NVL: variants seen among roughly 807,000 people sequenced by gnomAD.
The protein encoded by NVL is nuclear valosin-containing protein-like.
A neutral mutation model predicts 110.2 loss-of-function variants in NVL; 84 were observed. The ratio of observed to expected loss-of-function variants is 0.76; its 90% CI spans 0.64 to 0.91. NVL has a LOEUF of 0.91. Ranked by LOEUF, NVL falls within the 40% of genes least tolerant of loss-of-function variation. The pLI is 0.00. For synonymous variants in NVL, 354 were observed against 361.1 expected (o/e 0.98, Z 0.22); for missense variants, 882 against 1,035.9 (o/e 0.85, Z 2.04).
chr1:224,260,372 C>A (rs1212955320), intron 18 of NVL, among the ~76,000 whole-genome samples: 3 of 152,152 alleles, frequency 2.0e-5, no homozygotes, highest in East Asian at 3.9e-4. Flanking sequence ...GATTCTCCTG[C>A]CTCAGTCTCC....
chr1:224,272,585 C>G (rs950121962), intron 17 of NVL, among the ~76,000 whole-genome samples: 19 of 151,628 alleles, frequency 1.3e-4, no homozygotes, highest in African/African-American at 4.6e-4. Context: ...GGTGTGGTGG[C>G]ACACATCTGT....
At chr1:224,316,178 A>C (rs1348945367) in intron 4 of NVL, among the ~76,000 whole-genome samples, 1 of 152,180 alleles carries the variant, frequency 6.6e-6, no homozygotes, top group South Asian at 2.1e-4. Context: ...TGTCTCAAAA[A>C]AAACAAACAA....
intron 15 of NVL, among the ~76,000 whole-genome samples, chr1:224,283,197 T>C (rs976339648): frequency 1.3e-5 from 2 of 152,108 alleles, no homozygotes; most frequent in Non-Finnish European, 2.9e-5. Flanking sequence ...ATGTAAGAAA[T>C]CTGACTAAGG....
At position 224,227,643 on chromosome 1, in the gene NVL, C is replaced by T. The variant is rs1490854633; in HGVS notation, c.2554G>A (p.Glu852Lys). 6.2e-7 allele frequency: 1 copy of T among 1,611,202 alleles called. No individual in the cohort carries two copies. The highest frequency in any genetic ancestry group is 8.5e-7 in the Non-Finnish European group (1 of 1,178,354). The change falls in exon 23 of 23, where the codon GAG becomes AAG. Residue 852 changes from glutamate to lysine, a missense_variant. By Grantham distance (56) the Glu-to-Lys change is moderately conservative (BLOSUM62 1). Transcript: ENST00000281701. Reference protein sequence around the residue: ...KDQIMYERLQESLSR With the variant: ...KDQIMYERLQKSLSR ...TGGAGACATCACCGGCTGAGGGACT[C>T]CTGCAAACGTTCATACATGATTTGA... is the stretch of plus-strand genomic sequence containing the variant.
intron 2 of NVL, among the ~76,000 whole-genome samples, chr1:224,323,060 A>G (rs1670814168): frequency 4.6e-5 from 7 of 152,232 alleles, no homozygotes; most frequent in Admixed American, 4.6e-4. Flanking sequence ...AGAGAATGCT[A>G]TTAGAAATAT....
In NVL at chr1:224,239,868, C is replaced by A. The variant is rs144386530; in HGVS notation, c.2290-3286G>T. Among the ~76,000 whole-genome samples, 30 of 152,186 alleles carry A rather than the reference C, an allele frequency of 2.0e-4. No individual in the cohort carries two copies. The East Asian group carries it at 5.2e-3, about 26-fold the overall frequency. On this transcript the variant is annotated intron_variant, in intron 19 of 22. Coordinates refer to ENST00000281701, the MANE Select transcript of NVL (RefSeq NM_002533.4). Reference sequence around the variant, plus strand: ...CAGAAATACCGTTAAAGACATTGTGCATCGCATCTTAGTGTTCTCTTTGTG... The same window carrying A: ...CAGAAATACCGTTAAAGACATTGTGAATCGCATCTTAGTGTTCTCTTTGTG...
chr1:224,238,031 T>C (rs963245899), intron 19 of NVL, among the ~76,000 whole-genome samples: 2 of 151,588 alleles, frequency 1.3e-5, no homozygotes, highest in African/African-American at 4.8e-5. Context: ...ATTAAGCTTT[T>C]CTCTTTTCTT....
chr1:224,329,573 A>C (rs781460348), intron 1 of NVL, among the ~76,000 whole-genome samples: 1 of 152,200 alleles, frequency 6.6e-6, no homozygotes, highest in African/African-American at 2.4e-5. Context: ...ACTGCTTTTT[A>C]CTGATGGTCA....
chr1:224,247,594 G>C (rs556559743), intron 19 of NVL, among the ~76,000 whole-genome samples: 1 of 151,862 alleles, frequency 6.6e-6, no homozygotes, highest in African/African-American at 2.4e-5. Flanking sequence ...ACCTGAATGC[G>C]GGAGGTGGAG....
At chr1:224,281,282 T>C (rs1571932771) in intron 15 of NVL, 97 bp from the exon 16 acceptor site, 3 of 767,470 alleles carry the variant, frequency 3.9e-6, no homozygotes, top group Non-Finnish European at 6.2e-6. Flanking sequence ...GGACTCTGTG[T>C]GCGTGTGTGT....
chr1:224,275,024 G>C (rs1429695440), intron 17 of NVL, among the ~76,000 whole-genome samples: 1 of 152,148 alleles, frequency 6.6e-6, no homozygotes, highest in African/African-American at 2.4e-5. Context: ...TTTAGCTCAA[G>C]AATGTTGTAG....
chr1:224,244,665 T>A (rs1305808785), intron 19 of NVL, among the ~76,000 whole-genome samples: 2 of 146,696 alleles, frequency 1.4e-5, no homozygotes, highest in African/African-American at 5.1e-5. Context: ...AGAGATGGGG[T>A]TTCGCCATGT....
intron 4 of NVL, among the ~76,000 whole-genome samples, chr1:224,316,094 C>G (rs1211910100): frequency 6.6e-6 from 1 of 151,972 alleles, no homozygotes; most frequent in East Asian, 1.9e-4. Context: ...CGCCTGAGCC[C>G]AGGAGGTAGA....
chr1:224,252,183 C>G (rs1662580165), intron 18 of NVL, among the ~76,000 whole-genome samples: 1 of 152,134 alleles, frequency 6.6e-6, no homozygotes, highest in Non-Finnish European at 1.5e-5. Flanking sequence ...AAGTGCCTCC[C>G]TCCTCATTTA....
chr1:224,231,107 T>C, intron 22 of NVL, 119 bp downstream of exon 22: 1 of 663,344 alleles, frequency 1.5e-6, no homozygotes, highest in East Asian at 2.9e-5. Context: ...CACTCCAGCA[T>C]GGACGACAGA....
At chr1:224,295,807 G>A (rs564881098) in intron 11 of NVL, among the ~76,000 whole-genome samples, 13 of 151,116 alleles carry the variant, frequency 8.6e-5, no homozygotes, top group African/African-American at 2.9e-4. Flanking sequence ...GAAACACCCC[G>A]TCTCAAAAAT....
intron 11 of NVL, 143 bp from the exon 12 acceptor site, chr1:224,294,554 C>A: frequency 2.7e-6 from 2 of 747,404 alleles, no homozygotes; most frequent in Non-Finnish European, 4.3e-6. Flanking sequence ...TATTAAATGT[C>A]AAATATGTAA....
At position 224,243,087 on chromosome 1, in the gene NVL, TTTTA is replaced by T. The variant is rs1284930182; in HGVS notation, c.2290-6509_2290-6506del. On this transcript the variant is annotated intron_variant, in intron 19 of 22. Coordinates refer to ENST00000281701, the MANE Select transcript of NVL (RefSeq NM_002533.4). ...GTGAGCCACCGTACCTGGCCAGTAA[TTTTA>T]TTTATTTATTTATTTTTTATTTTAA... Among the ~76,000 whole-genome samples the T allele has an allele frequency of 6.6e-5, 10 of 152,028 alleles. No individual in the cohort carries two copies. The East Asian group carries it at 1.9e-3, about 29-fold the overall frequency.
chr1:224,256,423 TA>T (rs34959473), intron 18 of NVL, among the ~76,000 whole-genome samples: 4 of 75,654 alleles, frequency 5.3e-5, no homozygotes, highest in Middle Eastern at 8.8e-3. Flanking sequence ...AGGCTCCATC[TA>T]AAAAAAAAAA....
Sources: allele counts gnomAD v4.1 joint callset (sites outside exome capture counted in the v4.1 genomes callset), GRCh38; gene constraint gnomAD v4.1.1; transcripts MANE v1.5; gene names NCBI Gene and HGNC (gene_info 2026-07-23, HGNC 2026-07-21).